RRM1: variants seen among roughly 807,000 people sequenced by gnomAD.
The protein encoded by RRM1 is ribonucleotide reductase catalytic subunit M1.
Under a neutral mutation model 101.5 loss-of-function variants are expected in RRM1, and 19 were observed. That is an observed-to-expected ratio of 0.19 (90% CI 0.13 to 0.27). The LOEUF is 0.27. Ranked by LOEUF, RRM1 falls within the 10% of genes least tolerant of loss-of-function variation. The probability of loss-of-function intolerance (pLI) is 1.00; values close to 1 mark genes in which losing one functional copy is unlikely to be tolerated. For synonymous variants in RRM1, 298 were observed against 323.4 expected (o/e 0.92, Z 0.84); for missense variants, 500 against 962.9 (o/e 0.52, Z 6.36).
In RRM1 at chr11:4,094,884, A is replaced by C. The variant is rs1267065651; in HGVS notation, c.-129A>C. The C allele has an allele frequency of 1.7e-5, 16 of 952,368 alleles. No individual in the cohort carries two copies. Among genetic ancestry groups the C allele is most frequent in the African/African-American group, 3.3e-5 (2 of 61,408 alleles). The allele number at this position is 952,368 out of a possible 1,614,324, so 59.0% of individuals were successfully genotyped here. ...CTGAAGAAAGTGCTGTCTGGCTCCA[A>C]CTCCAGTTCTTTCCCCTGAGCAGCG... On this transcript the variant is annotated 5_prime_UTR_variant, in exon 1 of 19. Coordinates refer to ENST00000300738, the MANE Select transcript of RRM1 (RefSeq NM_001033.5).
intron 11 of RRM1, among the ~76,000 whole-genome samples, chr11:4,122,739 G>A (rs949249258): frequency 6.6e-6 from 1 of 152,032 alleles, no homozygotes; most frequent in Non-Finnish European, 1.5e-5. Flanking sequence ...TGGGCGTGGT[G>A]GTGCACACCT....
chr11:4,095,348 G>C (rs1262533283), intron 1 of RRM1, among the ~76,000 whole-genome samples: 1 of 137,388 alleles, frequency 7.3e-6, no homozygotes, highest in Non-Finnish European at 1.6e-5. Context: ...CTCCCTGCAA[G>C]CCTCTGAGAG....
At chr11:4,097,278 CAAAA>C (rs1221330899) in intron 1 of RRM1, among the ~76,000 whole-genome samples, 3 of 68,860 alleles carry the variant, frequency 4.4e-5, no homozygotes, top group Admixed American at 1.6e-4. Context: ...CACTCTGTCT[CAAAA>C]AAAAAAAAAA....
intron 1 of RRM1, among the ~76,000 whole-genome samples, chr11:4,095,308 G>T (rs2094542088): frequency 7.1e-6 from 1 of 140,812 alleles, no homozygotes; most frequent in African/African-American, 2.5e-5. Flanking sequence ...GACTGCGTAC[G>T]CCGAGCACTT....
intron 15 of RRM1, among the ~76,000 whole-genome samples, chr11:4,130,371 C>T (rs914712777): frequency 1.3e-4 from 20 of 151,890 alleles, no homozygotes; most frequent in African/African-American, 4.4e-4. Context: ...GGTACACATA[C>T]ACGGTTTTGT....
intron 9 of RRM1, among the ~76,000 whole-genome samples, chr11:4,120,468 A>G (rs2094580055): frequency 6.6e-6 from 1 of 151,670 alleles, no homozygotes; most frequent in Non-Finnish European, 1.5e-5. Context: ...GACTTAAGTG[A>G]TTCTTCTGCC....
At chr11:4,112,652 C>A (rs2094567234) in intron 7 of RRM1, among the ~76,000 whole-genome samples, 1 of 152,202 alleles carries the variant, frequency 6.6e-6, no homozygotes, top group African/African-American at 2.4e-5. Flanking sequence ...GCATGAGCCA[C>A]CACGCTTGGT....
intron 2 of RRM1, among the ~76,000 whole-genome samples, chr11:4,103,012 T>C (rs2094553589): frequency 6.6e-6 from 1 of 152,238 alleles, no homozygotes; most frequent in South Asian, 2.1e-4. Context: ...ACTCTTTTTT[T>C]CAAATCCACC....
rs1347096017 is a variant in RRM1 at position 4,118,422 on chromosome 11, T to A, written c.753T>A (p.Ala251=). ...AGTCTGCTGGAGGAATTGGTGTTGC[T>A]GTGAGTTGTATTCGGGCTACTGGCA... ...ISKSAGGIGV[A]VSCIRATGSY... The change falls in exon 8 of 19, where the codon GCT becomes GCA. Residue 251 remains alanine (A), a synonymous_variant. Coordinates refer to ENST00000300738, the MANE Select transcript of RRM1 (RefSeq NM_001033.5). 6.2e-7 allele frequency: 1 copy of A among 1,614,112 alleles called. No homozygotes were observed. Among genetic ancestry groups the A allele is most frequent in the South Asian group, 1.1e-5 (1 of 91,072 alleles).
intron 6 of RRM1, 84 bp downstream of exon 6, chr11:4,111,724 T>A (rs2094565851): frequency 7.6e-7 from 1 of 1,308,636 alleles, no homozygotes; most frequent in Non-Finnish European, 1.1e-6. Context: ...TTAATATTCT[T>A]GCTTAGACTC....
At chr11:4,125,773 C>A (rs979072384) in intron 12 of RRM1, among the ~76,000 whole-genome samples, 1 of 152,164 alleles carries the variant, frequency 6.6e-6, no homozygotes, top group Non-Finnish European at 1.5e-5. Flanking sequence ...ATCCCCAGTA[C>A]TCTCTGTCTT....
rs570608817 is a variant in RRM1 at position 4,113,208 on chromosome 11, A to C, written c.650+1146A>C. On this transcript the variant is annotated intron_variant, in intron 7 of 18. Transcript: ENST00000300738. Reference sequence around the variant, plus strand: ...AAAATACATTAATGTAATTCATTGCATTAACATTTTATGCAGTTTAATGCT... The same window carrying C: ...AAAATACATTAATGTAATTCATTGCCTTAACATTTTATGCAGTTTAATGCT... Among the ~76,000 whole-genome samples the C allele has an allele frequency of 2.0e-5, 3 of 152,194 alleles. No homozygotes were observed. In the East Asian group the frequency reaches 5.8e-4, roughly 29 times the overall value.
intron 7 of RRM1, among the ~76,000 whole-genome samples, chr11:4,114,406 G>T (rs1327398530): frequency 6.6e-6 from 1 of 151,466 alleles, no homozygotes; most frequent in Non-Finnish European, 1.5e-5. Flanking sequence ...ACAAAAATTA[G>T]CTGGGTATGG....
chr11:4,099,546 T>C (rs2094547938), intron 1 of RRM1: 1 of 151,954 alleles, frequency 6.6e-6, no homozygotes. Context: ...GTTAGATGTA[T>C]GGAAAGGTGG....
At chr11:4,114,980 TG>T (rs1263849060) in intron 7 of RRM1, among the ~76,000 whole-genome samples, 1 of 152,208 alleles carries the variant, frequency 6.6e-6, no homozygotes, top group African/African-American at 2.4e-5. Flanking sequence ...CCCGAAGTGC[TG>T]GGATTACAGG....
At chr11:4,111,756 G>A (rs1192153851) in intron 6 of RRM1, 116 bp downstream of exon 6, 9 of 1,217,640 alleles carry the variant, frequency 7.4e-6, no homozygotes, top group Middle Eastern at 2.8e-4. Context: ...TTGGACTTTA[G>A]GTTTAGTTTG....
chr11:4,107,725 A>AT (rs2094560160), intron 4 of RRM1, among the ~76,000 whole-genome samples, 190 bp downstream of exon 4: 2 of 152,180 alleles, frequency 1.3e-5, no homozygotes, highest in African/African-American at 4.8e-5. Context: ...TATTTTGTAC[A>AT]TACGTGTGTG....
chr11:4,111,698 CT>C, intron 6 of RRM1, 58 bp downstream of exon 6: 7 of 1,424,842 alleles, frequency 4.9e-6, no homozygotes, highest in Non-Finnish European at 6.8e-6. Context: ...GAATGTATAG[CT>C]TTGAGCTATA....
intron 7 of RRM1, among the ~76,000 whole-genome samples, chr11:4,117,784 A>G (rs946924726): frequency 6.6e-6 from 1 of 152,206 alleles, no homozygotes; most frequent in Non-Finnish European, 1.5e-5. Flanking sequence ...AAGGCAGTGA[A>G]GAGATTATTG....
Sources: gnomAD v4.1 joint callset for allele counts (sites outside exome capture counted in the v4.1 genomes callset) on GRCh38, gnomAD v4.1.1 for gene constraint, MANE v1.5 for transcripts, NCBI Gene and HGNC (gene_info 2026-07-23, HGNC 2026-07-21) for gene names.